The following DST variants were observed in gnomAD, a reference collection of about 807,000 sequenced individuals.
The protein encoded by DST is bullous pemphigoid antigen.
Under a neutral mutation model 875.2 loss-of-function variants are expected in DST, and 253 were observed. The ratio of observed to expected loss-of-function variants is 0.29; its 90% CI spans 0.26 to 0.32. DST has a LOEUF of 0.32. Among genes scored for constraint, DST ranks in the 10% least tolerant of loss-of-function variants. The pLI is 1.00. For missense variants in DST, 8,287 were observed against 9,111.6 expected, an observed-to-expected ratio of 0.91 and a Z score of 3.68; for synonymous variants, 3,124 against 3,197.1, an observed-to-expected ratio of 0.98 and a Z score of 0.77.
chr6:56,465,650 T>C (rs2094542396), intron 99 of DST, among the ~76,000 whole-genome samples: 1 of 152,162 alleles, frequency 6.6e-6, no homozygotes, highest in Non-Finnish European at 1.5e-5. Context: ...TTTCCTCACC[T>C]GCTCTTCATT....
intron 2 of DST, among the ~76,000 whole-genome samples, chr6:56,928,064 G>A (rs759926267): frequency 1.3e-5 from 2 of 152,148 alleles, no homozygotes; most frequent in Non-Finnish European, 2.9e-5. Flanking sequence ...GAGGAGGGAA[G>A]TGCATCTGAG....
At chr6:56,870,992 T>C (rs1321781484) in intron 3 of DST, among the ~76,000 whole-genome samples, 1 of 151,856 alleles carries the variant, frequency 6.6e-6, no homozygotes, top group African/African-American at 2.4e-5. Context: ...GAACAAAGAA[T>C]ATGTATATAT....
At chr6:56,743,869 T>C (rs1030092603) in intron 4 of DST, among the ~76,000 whole-genome samples, 1 of 152,128 alleles carries the variant, frequency 6.6e-6, no homozygotes, top group Non-Finnish European at 1.5e-5. Context: ...AAAGTAAAGC[T>C]TGGGCTGTGC....
intron 4 of DST, among the ~76,000 whole-genome samples, chr6:56,747,547 A>G (rs1291604308): frequency 6.6e-6 from 1 of 152,248 alleles, no homozygotes; most frequent in Non-Finnish European, 1.5e-5. Flanking sequence ...TTATACTGCT[A>G]TAACATTTAA....
intron 61 of DST, among the ~76,000 whole-genome samples, chr6:56,542,981 G>A (rs543996563): frequency 1.3e-5 from 2 of 152,340 alleles, no homozygotes; most frequent in East Asian, 3.9e-4. Flanking sequence ...ACAGCTTGTG[G>A]TGACATCAGC....
intron 75 of DST, among the ~76,000 whole-genome samples, chr6:56,507,552 G>A (rs1271592793): frequency 6.6e-6 from 1 of 152,214 alleles, no homozygotes; most frequent in African/African-American, 2.4e-5. Flanking sequence ...GGTTTTACAT[G>A]GGGGTAATGA....
intron 4 of DST, among the ~76,000 whole-genome samples, chr6:56,844,821 G>A (rs1412500980): frequency 1.3e-5 from 2 of 149,982 alleles, no homozygotes; most frequent in African/African-American, 4.9e-5. Flanking sequence ...GCAGTGAGCC[G>A]AGATCACGCC....
intron 9 of DST, among the ~76,000 whole-genome samples, chr6:56,684,898 C>A (rs2099173543): frequency 1.3e-5 from 2 of 152,132 alleles, no homozygotes; most frequent in African/African-American, 4.8e-5. Context: ...AGGAAGATAC[C>A]GTCCTGGATC....
intron 3 of DST, among the ~76,000 whole-genome samples, chr6:56,862,623 A>G (rs2127594459): frequency 6.6e-6 from 1 of 152,288 alleles, no homozygotes; most frequent in Non-Finnish European, 1.5e-5. Flanking sequence ...TTGCCCGTAT[A>G]GCTGTGTGAC....
In DST at chr6:56,699,584, A is replaced by G; in HGVS notation, c.1047+69T>C. ...TTCTTCCATAGAACATGAATGCATC[A>G]TTCACCCTTCATAGGAACCACCTGA... is the stretch of plus-strand genomic sequence containing the variant. On this transcript the variant is annotated intron_variant, in intron 9 of 103. Coordinates refer to ENST00000680361, the MANE Select transcript of DST (RefSeq NM_001374736.1). 4.2e-6 allele frequency: 3 copies of G among 709,356 alleles called. No individual in the cohort carries two copies. The South Asian group carries it at 5.3e-5, about 13-fold the overall frequency. 43.9% of individuals were successfully genotyped at this position (709,356 alleles called of 1,614,324 possible).
At chr6:56,677,220 G>A (rs1452290183) in intron 9 of DST, among the ~76,000 whole-genome samples, 6 of 152,020 alleles carry the variant, frequency 3.9e-5, no homozygotes, top group East Asian at 1.9e-4. Context: ...TTATCACAGC[G>A]CCGCCACATA....
intron 4 of DST, among the ~76,000 whole-genome samples, chr6:56,774,431 G>A (rs1394845851): frequency 6.6e-6 from 1 of 152,096 alleles, no homozygotes; most frequent in African/African-American, 2.4e-5. Context: ...AGACTTCCCT[G>A]ACAGCCCATC....
chr6:56,462,898 G>T (rs2094404943), intron 102 of DST, 148 bp downstream of exon 102: 4 of 458,342 alleles, frequency 8.7e-6, no homozygotes, highest in Non-Finnish European at 1.2e-5. Flanking sequence ...TCCAAGAACT[G>T]CTCGGTTGAT....
At chr6:56,726,546 T>C (rs919196866) in intron 5 of DST, among the ~76,000 whole-genome samples, 2 of 152,210 alleles carry the variant, frequency 1.3e-5, no homozygotes, top group Non-Finnish European at 2.9e-5. Flanking sequence ...GAGAAACTGG[T>C]TTATCCAGTG....
At chr6:56,576,640 G>C (rs546630829) in intron 50 of DST, among the ~76,000 whole-genome samples, 26 of 152,276 alleles carry the variant, frequency 1.7e-4, no homozygotes, top group African/African-American at 5.1e-4. Context: ...TGGTGTATGA[G>C]AGTGAGTAGC....
chr6:56,829,595 A>C (rs1323794308), intron 4 of DST, among the ~76,000 whole-genome samples: 1 of 152,214 alleles, frequency 6.6e-6, no homozygotes, highest in Admixed American at 6.5e-5. Flanking sequence ...TGTGGTGATC[A>C]TTTCCAAAAT....
At chr6:56,491,069 T>C (rs1399663184) in intron 85 of DST, among the ~76,000 whole-genome samples, 1 of 152,182 alleles carries the variant, frequency 6.6e-6, no homozygotes, top group African/African-American at 2.4e-5. Flanking sequence ...GAGAGAAAAC[T>C]GTCAGGCTGA....
Position 56,605,335 on chromosome 6 carries a change from G to C in DST, c.9293C>G (p.Thr3098Arg). 6.2e-7 allele frequency: 1 copy of C among 1,612,338 alleles called. No homozygotes were observed. Among genetic ancestry groups the C allele is most frequent in the Middle Eastern group, 1.7e-4 (1 of 6,048 alleles). The change falls in exon 40 of 104, where the codon ACA (threonine) becomes AGA (arginine). Residue 3098 changes from threonine (T) to arginine (R), a missense_variant. By Grantham distance (71) the Thr-to-Arg change is moderately conservative (BLOSUM62 -1). Around this residue, in one of 10 missense-constraint regions of DST, gnomAD observed 3,138 missense variants for 3,116.6 expected, o/e 1.01. Transcript: ENST00000680361. ...TTTCTGATTAAGTTCTTCATTGTTT[G>C]TGATTTGTGGAAATGGAAACTGACT... Reference protein sequence around the residue: ...INSQFPFPQITNNEELNQKGS... With the variant: ...INSQFPFPQIRNNEELNQKGS...
At chr6:56,637,341 C>A (rs2098835677) in intron 22 of DST, among the ~76,000 whole-genome samples, 1 of 152,132 alleles carries the variant, frequency 6.6e-6, no homozygotes, top group Non-Finnish European at 1.5e-5. Context: ...CTCCTGTTTA[C>A]AAAACCAACA....
Sources: gnomAD v4.1 joint callset for allele counts (sites outside exome capture counted in the v4.1 genomes callset) on GRCh38, gnomAD v4.1.1 for gene constraint, gnomAD v4.1.1 regional missense constraint, MANE v1.5 for transcripts, NCBI Gene and HGNC (gene_info 2026-07-23, HGNC 2026-07-21) for gene names.